Variants in PPP1R15B observed in about 807,000 individuals in gnomAD.
The protein encoded by PPP1R15B is protein phosphatase 1, regulatory (inhibitor) subunit 15B.
A neutral mutation model predicts 53.9 loss-of-function variants in PPP1R15B; 31 were observed. The observed-to-expected ratio is 0.58, with a 90% CI of 0.43 to 0.78. The LOEUF (loss-of-function observed/expected upper bound fraction) is 0.78, where lower values mean the gene tolerates loss of function less well. Ranked by LOEUF, PPP1R15B falls within the 30% of genes least tolerant of loss-of-function variation. The pLI, the probability that PPP1R15B is intolerant of heterozygous loss-of-function variation, is 0.00. For synonymous variants in PPP1R15B, 345 were observed against 329.1 expected, an observed-to-expected ratio of 1.05 and a Z score of -0.52; for missense variants, 928 against 849.6, an observed-to-expected ratio of 1.09 and a Z score of -1.15.
intron 1 of PPP1R15B, among the ~76,000 whole-genome samples, chr1:204,406,702 A>G (rs766324962): frequency 1.5e-4 from 23 of 151,950 alleles, no homozygotes; most frequent in Non-Finnish European, 2.8e-4. Context: ...CAGTGAGCCA[A>G]TATCGCGCCA....
At chr1:204,398,192 C>T (rs1046794235), downstream of PPP1R15B, among the ~76,000 whole-genome samples, 3 of 152,112 alleles carry the variant, frequency 2.0e-5, no homozygotes, top group Non-Finnish European at 2.9e-5. Flanking sequence ...AAAAAGTATA[C>T]AAGGGCCAAG....
At position 204,409,761 on chromosome 1, in the gene PPP1R15B, C is replaced by G. The variant is rs1215874410; in HGVS notation, c.1651G>C (p.Glu551Gln). The change falls in exon 1 of 2, where the codon GAG (glutamate) becomes CAG (glutamine). Residue 551 changes from glutamate (E) to glutamine (Q), a missense_variant. Glu to Gln is a conservative substitution (Grantham distance 29). Coordinates refer to ENST00000367188, the MANE Select transcript of PPP1R15B (RefSeq NM_032833.5). Reference protein sequence around the residue: ...DDWESSADEAESLKLWNSFCN... With the variant: ...DDWESSADEAQSLKLWNSFCN... ...AATGAGTTCCACAGTTTGAGACTCT[C>G]TGCTTCATCTGCACTAGATTCCCAG... The G allele has an allele frequency of 1.2e-6, 2 of 1,614,070 alleles. No homozygotes were observed. The highest frequency in any genetic ancestry group is 3.3e-5 in the Admixed American group (2 of 59,994).
Position 204,410,836 on chromosome 1 carries a change from G to C in PPP1R15B, c.576C>G (p.Ser192=). The C allele has an allele frequency of 6.2e-7, 1 of 1,614,208 alleles. No homozygotes were observed. Among genetic ancestry groups the C allele is most frequent in the Non-Finnish European group, 8.5e-7 (1 of 1,180,048 alleles). The change falls in exon 1 of 2, where the codon TCC becomes TCG. Residue 192 remains serine (S), a synonymous_variant. Coordinates refer to ENST00000367188, the MANE Select transcript of PPP1R15B (RefSeq NM_032833.5). ...GVELLPSSLQ[S]RLYSNRELGS... is the part of the protein sequence containing the mutation. ...CAAGTTCCCGGTTAGAGTACAGACG[G>C]GATTGAAGGCTACTGGGCAACAGCT...
downstream of PPP1R15B, among the ~76,000 whole-genome samples, chr1:204,396,134 A>G (rs1471185350): frequency 6.6e-6 from 1 of 152,166 alleles, no homozygotes; most frequent in Non-Finnish European, 1.5e-5. Context: ...GCATTACAGT[A>G]AAGAAGCCCA....
chr1:204,403,059 C>T (rs1303245205), downstream of PPP1R15B, among the ~76,000 whole-genome samples: 2 of 151,954 alleles, frequency 1.3e-5, no homozygotes, highest in African/African-American at 4.8e-5. Flanking sequence ...GTGACAGAGG[C>T]TCCGTCTCAA....
At chr1:204,402,831 T>C (rs781020410), downstream of PPP1R15B, among the ~76,000 whole-genome samples, 8 of 151,840 alleles carry the variant, frequency 5.3e-5, no homozygotes, top group Non-Finnish European at 1.0e-4. Context: ...CCCAGCACTT[T>C]GGGAGGCCGA....
At chr1:204,407,310 T>C (rs1040165090) in intron 1 of PPP1R15B, among the ~76,000 whole-genome samples, 16 of 152,340 alleles carry the variant, frequency 1.1e-4, no homozygotes, top group African/African-American at 3.1e-4. Flanking sequence ...AGAAACTTTG[T>C]AGTTAAGATT....
downstream of PPP1R15B, among the ~76,000 whole-genome samples, chr1:204,402,928 C>G (rs1315037104): frequency 2.0e-5 from 3 of 151,908 alleles, no homozygotes; most frequent in Non-Finnish European, 4.4e-5. Flanking sequence ...AAAATTTAGC[C>G]GGGCATGGTG....
Position 204,404,083 on chromosome 1 carries a change from T to C in PPP1R15B, c.*2009A>G. On this transcript the variant is annotated 3_prime_UTR_variant, in exon 2 of 2. Coordinates refer to ENST00000367188, the MANE Select transcript of PPP1R15B (RefSeq NM_032833.5). ...GTTTTAAAAGAATGCCTGTATGTTG[T>C]CAAAAGGCTTTTTTCAAGGCAAATG... 3.0e-6 allele frequency: 3 copies of C among 985,448 alleles called. No homozygotes were observed. Among genetic ancestry groups the C allele is most frequent in the Non-Finnish European group, 3.6e-6 (3 of 829,930 alleles). The allele number at this position is 985,448 out of a possible 1,614,324, so 61.0% of individuals were successfully genotyped here.
In PPP1R15B at chr1:204,411,010, G is replaced by A. The variant is rs1192527417; in HGVS notation, c.402C>T (p.Pro134=). Residue 134 remains proline, a synonymous_variant, in exon 1 of 2, where the codon CCC becomes CCT. Coordinates refer to ENST00000367188, the MANE Select transcript of PPP1R15B (RefSeq NM_032833.5). ...GCCAATCAAGGGGACTGGTGACCGAGGGGTCTGAGGAGTCGAGCTGCAGCG... is the reference window on the plus strand; with the variant it reads ...GCCAATCAAGGGGACTGGTGACCGAAGGGTCTGAGGAGTCGAGCTGCAGCG... ...LSSLQLDSSD[P]SVTSPLDWLE... 1.2e-6 allele frequency: 2 copies of A among 1,614,160 alleles called. No homozygotes were observed. The highest frequency in any genetic ancestry group is 1.7e-6 in the Non-Finnish European group (2 of 1,180,020).
downstream of PPP1R15B, among the ~76,000 whole-genome samples, chr1:204,396,703 C>T (rs780641873): frequency 2.6e-5 from 4 of 152,090 alleles, no homozygotes; most frequent in South Asian, 2.1e-4. Flanking sequence ...TATGACTACA[C>T]GTGTTTATCA....
At position 204,411,704 on chromosome 1, in the gene PPP1R15B, C is replaced by G. The variant is rs943315460; in HGVS notation, c.-293G>C. Reference sequence around the variant, plus strand: ...CTTCAACACCATGGATAGGAGTCCCCCCACGGCCTCGGCGATGGTTTTCCG... The same window carrying G: ...CTTCAACACCATGGATAGGAGTCCCGCCACGGCCTCGGCGATGGTTTTCCG... On this transcript the variant is annotated 5_prime_UTR_variant, in exon 1 of 2. Transcript: ENST00000367188. 5 of 489,408 alleles carry G rather than the reference C, an allele frequency of 1.0e-5. No homozygotes were observed. Among genetic ancestry groups the G allele is most frequent in the African/African-American group, 9.8e-5 (5 of 51,180 alleles). The allele number at this position is 489,408 out of a possible 1,614,324, so 30.3% of individuals were successfully genotyped here.
downstream of PPP1R15B, among the ~76,000 whole-genome samples, chr1:204,400,131 A>G (rs1674151071): frequency 6.6e-6 from 1 of 151,440 alleles, no homozygotes; most frequent in Non-Finnish European, 1.5e-5. Flanking sequence ...CAGCTACTCG[A>G]GAGGCTGAGA....
Position 204,409,961 on chromosome 1 carries a change from A to G in PPP1R15B, c.1451T>C (p.Val484Ala), listed in dbSNP as rs200631983. 81 of 1,614,052 alleles carry G rather than the reference A, an allele frequency of 5.0e-5. No individual in the cohort carries two copies. The highest frequency in any genetic ancestry group is 4.0e-4 in the Admixed American group (24 of 60,004). The part of the protein sequence containing the change: ...GLHLWNSFCS[V>A]DPYNPQNFTA... ...AAAGTTCTGGGGATTATAAGGATCT[A>G]CACTGCAGAAAGAGTTCCAAAGGTG... Residue 484 changes from valine to alanine, a missense_variant, in exon 1 of 2, where the codon GTA (valine) becomes GCA (alanine). Val to Ala is a moderately conservative substitution (Grantham distance 64). Coordinates refer to ENST00000367188, the MANE Select transcript of PPP1R15B (RefSeq NM_032833.5).
rs920100145 is a variant in PPP1R15B, at chr1:204,404,191, T to C, written c.*1901A>G. On this transcript the variant is annotated 3_prime_UTR_variant, in exon 2 of 2. Coordinates refer to ENST00000367188, the MANE Select transcript of PPP1R15B (RefSeq NM_032833.5). ...TAGACCATCCTGTAAATGTGCTCCC[T>C]ATGATTACCTAAAGTGGAGGTGCAC... is the stretch of plus-strand genomic sequence containing the variant. 2.1e-5 allele frequency: 21 copies of C among 985,290 alleles called. No homozygotes were observed. The highest frequency in any genetic ancestry group is 1.2e-4 in the Admixed American group (2 of 16,260). 61.0% of individuals were successfully genotyped at this position (985,290 alleles called of 1,614,324 possible). A position where few individuals can be genotyped will look rare whatever the true frequency, so the allele number is the denominator to read the frequency against.
Position 204,411,316 on chromosome 1 carries a change from G to C in PPP1R15B, c.96C>G (p.Gly32=), listed in dbSNP as rs1386414930. Residue 32 remains glycine (G), a synonymous_variant, in exon 1 of 2, where the codon GGC becomes GGG. Transcript: ENST00000367188. ...PPFFPRRSQA[G]SSKFPTPLGP... is the part of the protein sequence containing the mutation. Reference sequence around the variant, plus strand: ...CAAGAGGCGTCGGGAACTTAGAAGAGCCTGCTTGCGATCGCCGAGGGAAAA... The same window carrying C: ...CAAGAGGCGTCGGGAACTTAGAAGACCCTGCTTGCGATCGCCGAGGGAAAA... 1.9e-6 allele frequency: 3 copies of C among 1,614,068 alleles called. No individual in the cohort carries two copies. The highest frequency in any genetic ancestry group is 2.5e-6 in the Non-Finnish European group (3 of 1,180,050).
chr1:204,399,015 A>T (rs537209660), downstream of PPP1R15B, among the ~76,000 whole-genome samples: 1 of 152,240 alleles, frequency 6.6e-6, no homozygotes, highest in Non-Finnish European at 1.5e-5. Flanking sequence ...CTTTTCTCTA[A>T]GGACATTTAA....
rs1162625899 is a variant in PPP1R15B, at chr1:204,405,250, T to G, written c.*842A>C. 6.1e-6 allele frequency: 6 copies of G among 978,032 alleles called. No homozygotes were observed. The South Asian group carries it at 2.4e-4, about 39-fold the overall frequency. 60.6% of individuals were successfully genotyped at this position (978,032 alleles called of 1,614,324 possible). A position where few individuals can be genotyped will look rare whatever the true frequency, so the allele number is the denominator to read the frequency against. Reference sequence around the variant, plus strand: ...GTTTAAAAAATAAATGATTATGATGTAATTATTACTTTCCAGAGTGTTTTG... The same window carrying G: ...GTTTAAAAAATAAATGATTATGATGGAATTATTACTTTCCAGAGTGTTTTG... On this transcript the variant is annotated 3_prime_UTR_variant, in exon 2 of 2. Transcript: ENST00000367188.
chr1:204,401,587 T>C (rs1674179453), downstream of PPP1R15B, among the ~76,000 whole-genome samples: 1 of 150,380 alleles, frequency 6.6e-6, no homozygotes, highest in Admixed American at 6.6e-5. Flanking sequence ...ACGTGCATTA[T>C]GAGAAAAAAA....
Sources: allele counts gnomAD v4.1 joint callset (sites outside exome capture counted in the v4.1 genomes callset), GRCh38; gene constraint gnomAD v4.1.1; transcripts MANE v1.5; gene names NCBI Gene and HGNC (gene_info 2026-07-23, HGNC 2026-07-21).